The following ZNF354C variants were observed in gnomAD, a reference collection of about 807,000 sequenced individuals.
ZNF354C encodes KRAB-zinc finger protein synten.
Under a neutral mutation model 12.4 loss-of-function variants are expected in ZNF354C, and 7 were observed. The observed-to-expected ratio is 0.56, with a 90% CI of 0.32 to 1.06. The LOEUF is 1.06. ZNF354C is among the 50% of genes least tolerant of loss of function. The probability of loss-of-function intolerance (pLI) is 0.04; values close to 1 mark genes in which losing one functional copy is unlikely to be tolerated. For synonymous variants in ZNF354C, 202 were observed against 224.5 expected, an observed-to-expected ratio of 0.90 and a Z score of 0.90; for missense variants, 609 against 658.0, an observed-to-expected ratio of 0.93 and a Z score of 0.81.
At chr5:179,062,213 G>A (rs369093141) in intron 2 of ZNF354C, 118 bp downstream of exon 2, 75 of 1,344,528 alleles carry the variant, frequency 5.6e-5, no homozygotes, top group African/African-American at 4.9e-4. Context: ...TGAAGAATCC[G>A]GAACCTCAAA....
chr5:179,073,298 A>G (rs1033765961), intron 2 of ZNF354C, among the ~76,000 whole-genome samples: 2 of 152,242 alleles, frequency 1.3e-5, no homozygotes, highest in African/African-American at 4.8e-5. Context: ...AAAGGAAGTT[A>G]TGTAAGTTAA....
intron 2 of ZNF354C, among the ~76,000 whole-genome samples, chr5:179,073,137 A>C (rs986138680): frequency 6.6e-6 from 1 of 152,226 alleles, no homozygotes; most frequent in Non-Finnish European, 1.5e-5. Flanking sequence ...GACATTTTAC[A>C]TGCTGAAAGA....
Position 179,081,543 on chromosome 5 carries a change from C to T in ZNF354C, c.*1446C>T, listed in dbSNP as rs1762226398. On this transcript the variant is annotated 3_prime_UTR_variant, in exon 5 of 5. Transcript: ENST00000315475. ...TTCTGAGAAAAATGTTAGAATTAAA[C>T]TCAAGCAGTCAGTATAGTATATTTC... 6.6e-6 allele frequency: 1 copy of T among 151,398 alleles called. No homozygotes were observed. The highest frequency in any genetic ancestry group is 1.5e-5 in the Non-Finnish European group (1 of 67,896). The allele number at this position is 151,398 out of a possible 1,614,324, so 9.4% of individuals were successfully genotyped here. A position where few individuals can be genotyped will look rare whatever the true frequency, so the allele number is the denominator to read the frequency against.
At chr5:179,070,067 G>A (rs1721796767) in intron 2 of ZNF354C, among the ~76,000 whole-genome samples, 1 of 152,116 alleles carries the variant, frequency 6.6e-6, no homozygotes, top group East Asian at 1.9e-4. Context: ...GAACCAGGCG[G>A]TACAGCAGGA....
chr5:179,075,556 TA>T (rs1474368207), intron 2 of ZNF354C, among the ~76,000 whole-genome samples: 1 of 152,140 alleles, frequency 6.6e-6, no homozygotes. Flanking sequence ...CATAAAGTAA[TA>T]AGTGAAAGAT....
At chr5:179,070,841 C>CTTTTTTTTTTTTT (rs766817856) in intron 2 of ZNF354C, among the ~76,000 whole-genome samples, 2 of 75,438 alleles carry the variant, frequency 2.7e-5, no homozygotes, top group Non-Finnish European at 4.7e-5. Context: ...CTTGATCGCT[C>CTTTTTTTTTTTTT]TTTTTTTTTT....
chr5:179,076,445 G>A lies in ZNF354C; in HGVS notation c.28G>A (p.Glu10Lys). Residue 10 changes from glutamate to lysine, a missense_variant and splice_region_variant, in exon 3 of 5, where the codon GAG becomes AAG. Transcript: ENST00000315475. Reference protein sequence around the residue: MAVDLLSAQEPVTFRDVAVF... With the variant: MAVDLLSAQKPVTFRDVAVF... Reference sequence around the variant, plus strand: ...AGCAGGTATGGGTTTGCCATTACAGGAGCCTGTGACATTCAGGGATGTGGC... The same window carrying A: ...AGCAGGTATGGGTTTGCCATTACAGAAGCCTGTGACATTCAGGGATGTGGC... 1 of 1,614,198 alleles carries A rather than the reference G, an allele frequency of 6.2e-7. No individual in the cohort carries two copies. Among genetic ancestry groups the A allele is most frequent in the Non-Finnish European group, 8.5e-7 (1 of 1,180,024 alleles).
intron 2 of ZNF354C, among the ~76,000 whole-genome samples, chr5:179,071,015 A>AT (rs1045814451): frequency 1.0e-4 from 15 of 149,778 alleles, no homozygotes; most frequent in African/African-American, 2.7e-4. Flanking sequence ...AGCCTGGCTA[A>AT]TTTTTTTTTG....
In ZNF354C at chr5:179,080,682, T is replaced by C. The variant is rs1415363304; in HGVS notation, c.*585T>C. On this transcript the variant is annotated 3_prime_UTR_variant, in exon 5 of 5. Transcript: ENST00000315475. Reference sequence around the variant, plus strand: ...TGTGTGTGTAAACATAAAAGTCCTTTATTATTAAAAAATGTAGTTTTATTG... The same window carrying C: ...TGTGTGTGTAAACATAAAAGTCCTTCATTATTAAAAAATGTAGTTTTATTG... 2.0e-5 allele frequency: 3 copies of C among 152,214 alleles called. No homozygotes were observed. The highest frequency in any genetic ancestry group is 4.4e-5 in the Non-Finnish European group (3 of 68,034). 9.4% of individuals were successfully genotyped at this position (152,214 alleles called of 1,614,324 possible).
intron 2 of ZNF354C, among the ~76,000 whole-genome samples, chr5:179,064,002 A>G (rs1489197363): frequency 6.6e-6 from 1 of 152,214 alleles, no homozygotes; most frequent in Non-Finnish European, 1.5e-5. Flanking sequence ...CAAGACGTAA[A>G]GACCAGCAAA....
intron 2 of ZNF354C, among the ~76,000 whole-genome samples, chr5:179,069,333 A>G (rs1762009945): frequency 6.6e-6 from 1 of 152,208 alleles, no homozygotes; most frequent in South Asian, 2.1e-4. Flanking sequence ...ACCCGTTATC[A>G]TGACCCAGAC....
At chr5:179,069,561 CAAAAA>C (rs761235131) in intron 2 of ZNF354C, among the ~76,000 whole-genome samples, 164 of 77,604 alleles carry the variant, frequency 2.1e-3, no homozygotes, top group African/African-American at 7.8e-3. Context: ...GACTCCATCT[CAAAAA>C]AAAAAAAAAA....
chr5:179,075,595 C>G lies in ZNF354C; in HGVS notation c.28-850C>G, dbSNP rs187350728. On this transcript the variant is annotated intron_variant, in intron 2 of 4. Transcript: ENST00000315475. ...CTTTTCTGCCCCTCTCCACAAATAT[C>G]AAAGAATAACGAGGGTGACAGCTTG... Among the ~76,000 whole-genome samples, 333 of 152,264 alleles carry G rather than the reference C, an allele frequency of 2.2e-3. 1 individual carries two copies. Among genetic ancestry groups the G allele is most frequent in the African/African-American group, 7.6e-3 (315 of 41,550 alleles).
At position 179,080,127 on chromosome 5, in the gene ZNF354C, A is replaced by C; in HGVS notation, c.*30A>C. 3 of 1,456,994 alleles carry C rather than the reference A, an allele frequency of 2.1e-6. No homozygotes were observed. The highest frequency in any genetic ancestry group is 2.8e-6 in the Non-Finnish European group (3 of 1,080,508). The allele number at this position is 1,456,994 out of a possible 1,614,324, so 90.3% of individuals were successfully genotyped here. A position where few individuals can be genotyped will look rare whatever the true frequency, so the allele number is the denominator to read the frequency against. ...TCTCTCAAATAATCCAAGACTTCTC[A>C]CTGGGGAATAAGGGAATAATAAATA... On this transcript the variant is annotated 3_prime_UTR_variant, in exon 5 of 5. Transcript: ENST00000315475.
At chr5:179,065,757 G>A (rs888585919) in intron 2 of ZNF354C, among the ~76,000 whole-genome samples, 1 of 152,070 alleles carries the variant, frequency 6.6e-6, no homozygotes, top group Non-Finnish European at 1.5e-5. Context: ...TGTGATTTGC[G>A]TGATGTTTTT....
intron 2 of ZNF354C, among the ~76,000 whole-genome samples, chr5:179,074,822 T>C (rs939516550): frequency 6.6e-6 from 1 of 152,210 alleles, no homozygotes; most frequent in African/African-American, 2.4e-5. Flanking sequence ...GGTGGTGATG[T>C]CCTATATACT....
Position 179,077,110 on chromosome 5 carries a change from A to C in ZNF354C, c.194A>C (p.Gln65Pro), listed in dbSNP as rs778828350. ...FSMPKLIHQL[Q>P]QGEDPCMVER... ...ATGCCAAAGTTGATTCATCAGTTGCAGCAAGGAGAAGATCCCTGCATGGTG... is the reference window on the plus strand; with the variant it reads ...ATGCCAAAGTTGATTCATCAGTTGCCGCAAGGAGAAGATCCCTGCATGGTG... The change falls in exon 4 of 5, where the codon CAG becomes CCG. Residue 65 changes from glutamine to proline, a missense_variant. Gln to Pro is a moderately conservative substitution (Grantham distance 76, BLOSUM62 -1). Coordinates refer to ENST00000315475, the MANE Select transcript of ZNF354C (RefSeq NM_014594.3). 26 of 1,614,098 alleles carry C rather than the reference A, an allele frequency of 1.6e-5. No homozygotes were observed. The highest frequency in any genetic ancestry group is 1.8e-5 in the Non-Finnish European group (21 of 1,180,048).
intron 2 of ZNF354C, among the ~76,000 whole-genome samples, chr5:179,073,546 C>G (rs1398746747): frequency 1.3e-5 from 2 of 151,590 alleles, no homozygotes; most frequent in African/African-American, 4.9e-5. Context: ...TGGAAAAGCT[C>G]TATCTTTTTC....
chr5:179,078,651 G>A, intron 4 of ZNF354C, 32 bp from the exon 5 acceptor site: 1 of 1,536,026 alleles, frequency 6.5e-7, no homozygotes, highest in South Asian at 1.3e-5. Flanking sequence ...TCTTCCAGCA[G>A]AGGAGGCATT....
Sources: gnomAD v4.1 joint callset for allele counts (sites outside exome capture counted in the v4.1 genomes callset) on GRCh38, gnomAD v4.1.1 for gene constraint, MANE v1.5 for transcripts, NCBI Gene and HGNC (gene_info 2026-07-23, HGNC 2026-07-21) for gene names.